Variants in SNX29 observed in about 807,000 individuals in gnomAD.
The protein encoded by SNX29 is sorting nexin-29.
A neutral mutation model predicts 102.1 loss-of-function variants in SNX29; 78 were observed. The ratio of observed to expected loss-of-function variants is 0.76; its 90% CI spans 0.64 to 0.92. The LOEUF is 0.92. Among genes scored for constraint, SNX29 ranks in the 40% least tolerant of loss-of-function variants. SNX29 has a pLI of 0.00. For synonymous variants in SNX29, 580 were observed against 414.5 expected (o/e 1.40, Z -4.85); for missense variants, 1,280 against 1,061.7 (o/e 1.21, Z -2.86).
chr16:12,534,923 C>T (rs1029305153), intron 20 of SNX29, among the ~76,000 whole-genome samples: 4 of 152,194 alleles, frequency 2.6e-5, no homozygotes, highest in Admixed American at 2.0e-4. Context: ...GAGCATCCTA[C>T]ACCTCACAGG....
chr16:12,347,894 G>A (rs9922297), intron 15 of SNX29, among the ~76,000 whole-genome samples: 17,352 of 144,038 alleles, frequency 0.12, 2,380 homozygotes, highest in African/African-American at 0.35. Context: ...CCTGAGAAAC[G>A]TAGCCATATC....
intron 11 of SNX29, among the ~76,000 whole-genome samples, chr16:12,116,712 G>A (rs1325563052): frequency 6.6e-6 from 1 of 152,240 alleles, no homozygotes; most frequent in Admixed American, 6.5e-5. Flanking sequence ...ATGCTTCAAC[G>A]TGGATGAACT....
At chr16:12,549,674 C>T (rs1381983953) in intron 20 of SNX29, among the ~76,000 whole-genome samples, 1 of 152,208 alleles carries the variant, frequency 6.6e-6, no homozygotes, top group Non-Finnish European at 1.5e-5. Flanking sequence ...AGTCCCAAGG[C>T]CCGGCATCTT....
intron 4 of SNX29, among the ~76,000 whole-genome samples, chr16:12,036,594 A>G (rs1186994896): frequency 3.3e-5 from 5 of 152,088 alleles, no homozygotes; most frequent in Non-Finnish European, 7.4e-5. Context: ...TCGGCCTCCC[A>G]AAGTGCTGGG....
In SNX29 at chr16:12,356,835, A is replaced by C. The variant is rs145389374; in HGVS notation, c.1899+556A>C. 3.7e-3 allele frequency among the ~76,000 whole-genome samples: 564 copies of C among 152,370 alleles called. 4 individuals are homozygous for C. The highest frequency in any genetic ancestry group is 6.8e-3 in the South Asian group (33 of 4,824). ...CTAGCAGCGTCCCTGGGTTCCACCC[A>C]CTAGAGGCCAGTAGCTTCACCTCGC... is the stretch of plus-strand genomic sequence containing the variant. On this transcript the variant is annotated intron_variant, in intron 16 of 20. Coordinates refer to ENST00000566228, the MANE Select transcript of SNX29 (RefSeq NM_032167.5).
In SNX29 at chr16:12,467,470, GAC is replaced by G. The variant is rs1305760238; in HGVS notation, c.2038-10244_2038-10243del. On this transcript the variant is annotated intron_variant, in intron 18 of 20. Coordinates refer to ENST00000566228, the MANE Select transcript of SNX29 (RefSeq NM_032167.5). ...CATGTATCCATCAGGCACATGCACA[GAC>G]ACACGGGTGACTTCCTGCTTCTGTG... Among the ~76,000 whole-genome samples, 8 of 152,178 alleles carry G rather than the reference GAC, an allele frequency of 5.3e-5. 1 individual carries two copies. The highest frequency in any genetic ancestry group is 3.9e-4 in the Admixed American group (6 of 15,284).
intron 14 of SNX29, among the ~76,000 whole-genome samples, chr16:12,267,627 G>A (rs2078966967): frequency 6.6e-6 from 1 of 152,204 alleles, no homozygotes; most frequent in Non-Finnish European, 1.5e-5. Flanking sequence ...TGTGTGCTCA[G>A]CTGTTGACCA....
intron 14 of SNX29, among the ~76,000 whole-genome samples, chr16:12,238,806 G>A (rs1190017973): frequency 6.6e-6 from 1 of 152,244 alleles, no homozygotes; most frequent in Non-Finnish European, 1.5e-5. Context: ...CTTAGGCAGT[G>A]CAGAGCTGTC....
At chr16:12,369,214 C>T (rs1000931047) in intron 16 of SNX29, among the ~76,000 whole-genome samples, 4 of 151,880 alleles carry the variant, frequency 2.6e-5, no homozygotes, top group African/African-American at 7.3e-5. Flanking sequence ...CGGCTCACTA[C>T]AACCTCCGCC....
chr16:12,243,358 G>A (rs1159830271), intron 14 of SNX29, among the ~76,000 whole-genome samples: 2 of 152,158 alleles, frequency 1.3e-5, no homozygotes, highest in Non-Finnish European at 2.9e-5. Flanking sequence ...TGCCACTTTT[G>A]TTCTGCTGCC....
chr16:12,069,193 T>G, intron 10 of SNX29, 61 bp downstream of exon 10: 1 of 1,407,616 alleles, frequency 7.1e-7, no homozygotes, highest in East Asian at 2.3e-5. Flanking sequence ...AGCTGTGCAT[T>G]TTATTCTTTT....
intron 15 of SNX29, among the ~76,000 whole-genome samples, chr16:12,301,430 C>T (rs2080170201): frequency 6.6e-6 from 1 of 152,208 alleles, no homozygotes; most frequent in Non-Finnish European, 1.5e-5. Flanking sequence ...TTCCTATACT[C>T]CCTCTCCCCC....
chr16:12,066,117 G>A (rs1038132319), intron 9 of SNX29, among the ~76,000 whole-genome samples: 3 of 152,112 alleles, frequency 2.0e-5, no homozygotes, highest in African/African-American at 7.2e-5. Flanking sequence ...ATTGAAGGCT[G>A]GGTGGGTCCA....
rs989719058 is a variant in SNX29, at chr16:12,273,186, G to C, written c.1679-4747G>C. 2.0e-5 allele frequency among the ~76,000 whole-genome samples: 3 copies of C among 152,054 alleles called. No homozygotes were observed. The East Asian group carries it at 5.8e-4, about 29-fold the overall frequency. On this transcript the variant is annotated intron_variant, in intron 14 of 20. Transcript: ENST00000566228. Reference sequence around the variant, plus strand: ...CTTGCACCCAAGGCAGTCTCTCCTGGTGCCTTCTGGCCTACTCTAGCCAGA... The same window carrying C: ...CTTGCACCCAAGGCAGTCTCTCCTGCTGCCTTCTGGCCTACTCTAGCCAGA...
At chr16:12,564,750 T>C (rs1296546637) in intron 20 of SNX29, among the ~76,000 whole-genome samples, 1 of 151,986 alleles carries the variant, frequency 6.6e-6, no homozygotes, top group Non-Finnish European at 1.5e-5. Flanking sequence ...AACAACTGTC[T>C]GCTTCTTGGT....
intron 20 of SNX29, among the ~76,000 whole-genome samples, chr16:12,528,419 C>G (rs1055849465): frequency 6.6e-6 from 1 of 152,128 alleles, no homozygotes; most frequent in East Asian, 1.9e-4. Context: ...AGGCTGGTCT[C>G]AGACTCCTGA....
chr16:12,260,528 T>G (rs916753247), intron 14 of SNX29, among the ~76,000 whole-genome samples: 2 of 152,194 alleles, frequency 1.3e-5, no homozygotes, highest in Non-Finnish European at 2.9e-5. Context: ...GCAGATGATT[T>G]GTCTTTGCCT....
In SNX29 at chr16:12,572,768, G is replaced by A. The variant is rs992641289; in HGVS notation, c.*4139G>A. On this transcript the variant is annotated 3_prime_UTR_variant, in exon 21 of 21. Coordinates refer to ENST00000566228, the MANE Select transcript of SNX29 (RefSeq NM_032167.5). ...GGGTTTTCAGCTTCTGGGACCCGAGGAAGACCCCACCTCACTCCTCCTTCC... is the reference window on the plus strand; with the variant it reads ...GGGTTTTCAGCTTCTGGGACCCGAGAAAGACCCCACCTCACTCCTCCTTCC... The A allele has an allele frequency of 6.6e-6, 7 of 1,063,888 alleles. No individual in the cohort carries two copies. The highest frequency in any genetic ancestry group is 1.6e-5 in the African/African-American group (1 of 60,996). The allele number at this position is 1,063,888 out of a possible 1,614,324, so 65.9% of individuals were successfully genotyped here. A position where few individuals can be genotyped will look rare whatever the true frequency, so the allele number is the denominator to read the frequency against.
At chr16:12,443,311 A>G (rs1344641142) in intron 18 of SNX29, 1 of 190,280 alleles carries the variant, frequency 5.3e-6, no homozygotes, top group Non-Finnish European at 1.1e-5. Flanking sequence ...ACCCCTGGCC[A>G]AGGCAGCAGA....
Sources: allele counts gnomAD v4.1 joint callset (sites outside exome capture counted in the v4.1 genomes callset), GRCh38; gene constraint gnomAD v4.1.1; transcripts MANE v1.5; gene names NCBI Gene and HGNC (gene_info 2026-07-23, HGNC 2026-07-21).